The following FBXO34 variants were observed in gnomAD, a reference collection of about 807,000 sequenced individuals.
FBXO34 encodes the protein F-box only protein 34.
A neutral mutation model predicts 24.5 loss-of-function variants in FBXO34; 12 were observed. The ratio of observed to expected loss-of-function variants is 0.49; its 90% CI spans 0.31 to 0.79. FBXO34 has a LOEUF of 0.79. FBXO34 is among the 30% of genes least tolerant of loss of function. The pLI is 0.04. For synonymous variants in FBXO34, 320 were observed against 311.9 expected, an observed-to-expected ratio of 1.03 and a Z score of -0.27; for missense variants, 823 against 857.7, an observed-to-expected ratio of 0.96 and a Z score of 0.51.
chr14:55,314,004 A>G (rs1882842207), intron 1 of FBXO34, among the ~76,000 whole-genome samples: 1 of 152,162 alleles, frequency 6.6e-6, no homozygotes, highest in African/African-American at 2.4e-5. Flanking sequence ...CCTGGCTCAA[A>G]GTGATCCTCC....
chr14:55,386,696 C>A, the FBXO34 span, among the ~76,000 whole-genome samples: 1 of 152,170 alleles, frequency 6.6e-6, no homozygotes, highest in Non-Finnish European at 1.5e-5. Flanking sequence ...GCAAGGGAAA[C>A]AAAAGCCTGG....
At chr14:55,387,380 T>C in the FBXO34 span, among the ~76,000 whole-genome samples, 1 of 152,144 alleles carries the variant, frequency 6.6e-6, no homozygotes, top group Non-Finnish European at 1.5e-5. Context: ...ACTCAGGCTA[T>C]CTATTTGCTC....
rs369648163 is a variant in FBXO34, at chr14:55,351,811, G to T, written c.1421G>T (p.Cys474Phe). 66 of 1,614,046 alleles carry T rather than the reference G, an allele frequency of 4.1e-5. No homozygotes were observed. The highest frequency in any genetic ancestry group is 5.3e-5 in the Non-Finnish European group (62 of 1,180,052). The change falls in exon 2 of 2, where the codon TGT (cysteine) becomes TTT (phenylalanine). Residue 474 changes from cysteine to phenylalanine, a missense_variant. This residue lies in a region of FBXO34 where 693 missense variants were observed against 659.1 expected (regional missense o/e 1.05). Coordinates refer to ENST00000313833, the MANE Select transcript of FBXO34 (RefSeq NM_017943.4). ...GACCAGCCTTCCATTTTAAACTCCTGTGAAGACCCAGTTCCAGGGATGTTG... is the reference window on the plus strand; with the variant it reads ...GACCAGCCTTCCATTTTAAACTCCTTTGAAGACCCAGTTCCAGGGATGTTG... ...DKDQPSILNS[C>F]EDPVPGMLFF...
chr14:55,349,253 T>A (rs889796629), intron 1 of FBXO34, among the ~76,000 whole-genome samples: 1 of 151,888 alleles, frequency 6.6e-6, no homozygotes, highest in Non-Finnish European at 1.5e-5. Context: ...CAAGGTAAAA[T>A]CACCATGTCT....
At chr14:55,338,182 T>C (rs962267444) in intron 1 of FBXO34, among the ~76,000 whole-genome samples, 1 of 151,678 alleles carries the variant, frequency 6.6e-6, no homozygotes, top group Non-Finnish European at 1.5e-5. Flanking sequence ...CCTGGGTAGC[T>C]GGGACTACAG....
intron 1 of FBXO34, among the ~76,000 whole-genome samples, chr14:55,283,056 A>G (rs1881614041): frequency 1.3e-5 from 2 of 152,192 alleles, no homozygotes; most frequent in Non-Finnish European, 2.9e-5. Context: ...ACCCTAGGGA[A>G]TAGGTTTCTC....
At chr14:55,369,258 C>T (rs767188142), downstream of FBXO34, 43 of 170,440 alleles carry the variant, frequency 2.5e-4, no homozygotes, top group Admixed American at 1.4e-3. Context: ...GTCTCAGCAC[C>T]GCAAGGACCA....
At chr14:55,336,143 ATG>A (rs759978822) in intron 1 of FBXO34, among the ~76,000 whole-genome samples, 112 of 152,332 alleles carry the variant, frequency 7.4e-4, no homozygotes, top group Admixed American at 1.4e-3. Flanking sequence ...TGAAAATTAT[ATG>A]TATTTAATTA....
At chr14:55,409,340 T>C in the FBXO34 span, among the ~76,000 whole-genome samples, 1 of 152,244 alleles carries the variant, frequency 6.6e-6, no homozygotes, top group Admixed American at 6.5e-5. Context: ...CTTTATTGAG[T>C]TTCTACTATG....
intron 1 of FBXO34, among the ~76,000 whole-genome samples, chr14:55,292,218 T>C (rs1393051226): frequency 1.3e-5 from 2 of 152,220 alleles, no homozygotes; most frequent in Non-Finnish European, 2.9e-5. Context: ...ATGATATGTA[T>C]TCTGCTTAAA....
intron 1 of FBXO34, among the ~76,000 whole-genome samples, chr14:55,302,121 G>A (rs987343220): frequency 3.1e-4 from 47 of 152,196 alleles, no homozygotes; most frequent in Non-Finnish European, 1.8e-4. Flanking sequence ...GTGTAAAGTC[G>A]ATTGAGAACA....
At chr14:55,394,518 A>G in the FBXO34 span, among the ~76,000 whole-genome samples, 2 of 152,206 alleles carry the variant, frequency 1.3e-5, no homozygotes, top group Admixed American at 6.5e-5. Context: ...TCACACATTG[A>G]TAAGCTGTTA....
intron 1 of FBXO34, among the ~76,000 whole-genome samples, chr14:55,320,468 T>G (rs990604263): frequency 6.6e-6 from 1 of 152,162 alleles, no homozygotes; most frequent in Non-Finnish European, 1.5e-5. Context: ...AAAATAAGTT[T>G]TGGCCAGGTG....
At chr14:55,328,951 G>A (rs1883442673) in intron 1 of FBXO34, among the ~76,000 whole-genome samples, 1 of 151,928 alleles carries the variant, frequency 6.6e-6, no homozygotes, top group Non-Finnish European at 1.5e-5. Flanking sequence ...TTGTGTATGT[G>A]TACCTAGTAT....
At chr14:55,342,219 T>C (rs1884015822) in intron 1 of FBXO34, among the ~76,000 whole-genome samples, 1 of 152,206 alleles carries the variant, frequency 6.6e-6, no homozygotes, top group Admixed American at 6.5e-5. Context: ...TTGAAGCAGG[T>C]AGGTGCTGTA....
At chr14:55,403,705 C>A in the FBXO34 span, among the ~76,000 whole-genome samples, 1 of 151,988 alleles carries the variant, frequency 6.6e-6, no homozygotes, top group South Asian at 2.1e-4. Flanking sequence ...AACGAACCAG[C>A]AAAATAGTAT....
chr14:55,291,881 G>T lies in FBXO34; in HGVS notation c.-11+20344G>T, dbSNP rs563817144. Among the ~76,000 whole-genome samples, 2 of 152,174 alleles carry T rather than the reference G, an allele frequency of 1.3e-5. 1 individual carries two copies. Among genetic ancestry groups the T allele is most frequent in the African/African-American group, 4.8e-5 (2 of 41,518 alleles). ...TGGGGGTGGCTGAGATGGGAGGATCGCTTGAGCCCAGGAGTTCAAGGTTAC... is the reference window on the plus strand; with the variant it reads ...TGGGGGTGGCTGAGATGGGAGGATCTCTTGAGCCCAGGAGTTCAAGGTTAC... On this transcript the variant is annotated intron_variant, in intron 1 of 1. Coordinates refer to ENST00000313833, the MANE Select transcript of FBXO34 (RefSeq NM_017943.4).
the FBXO34 span, among the ~76,000 whole-genome samples, chr14:55,409,770 G>C: frequency 3.5e-3 from 538 of 152,302 alleles, 7 homozygotes; most frequent in African/African-American, 0.012. Flanking sequence ...CTTTGGTTAA[G>C]GACTCCAGCT....
At chr14:55,344,225 T>A (rs1884084173) in intron 1 of FBXO34, among the ~76,000 whole-genome samples, 1 of 152,200 alleles carries the variant, frequency 6.6e-6, no homozygotes, top group South Asian at 2.1e-4. Flanking sequence ...TTGTCCACTG[T>A]ACTTCCTCAC....
Sources: gnomAD v4.1 joint callset for allele counts (sites outside exome capture counted in the v4.1 genomes callset) on GRCh38, gnomAD v4.1.1 for gene constraint, gnomAD v4.1.1 regional missense constraint, MANE v1.5 for transcripts, NCBI Gene and HGNC (gene_info 2026-07-23, HGNC 2026-07-21) for gene names.